Variants in MIA observed in about 807,000 individuals in gnomAD.
The protein encoded by MIA is MIA SH3 domain containing.
In MIA, 18 loss-of-function variants were observed where a neutral mutation model predicts 18.5. The ratio of observed to expected loss-of-function variants is 0.97; its 90% CI spans 0.67 to 1.44. The LOEUF (loss-of-function observed/expected upper bound fraction) is 1.44. Among genes scored for constraint, MIA ranks in the 40% most tolerant of loss-of-function variants. The pLI, the probability that MIA is intolerant of heterozygous loss-of-function variation, is 0.00. For missense variants in MIA, 158 were observed against 172.4 expected, an observed-to-expected ratio of 0.92 and a Z score of 0.47; for synonymous variants, 55 against 64.9, an observed-to-expected ratio of 0.85 and a Z score of 0.74.
intron 2 of MIA, 104 bp downstream of exon 2, chr19:40,775,989 G>C (rs1237393355): frequency 3.6e-6 from 5 of 1,381,046 alleles, no homozygotes; most frequent in South Asian, 1.4e-5. Context: ...TAGACATTGT[G>C]GGGGGATATT....
At chr19:40,777,181 T>C in intron 3 of MIA, 102 bp downstream of exon 3, 2 of 1,155,172 alleles carry the variant, frequency 1.7e-6, no homozygotes, top group Non-Finnish European at 2.6e-6. Context: ...AGCCTAGGTA[T>C]GTGCGCTGGG....
intron 2 of MIA, 113 bp from the exon 3 acceptor site, chr19:40,776,856 G>T: frequency 1.5e-6 from 1 of 681,998 alleles, no homozygotes. Context: ...AGATTCATAT[G>T]ACAAGGATGG....
chr19:40,775,372 A>T, upstream of MIA: 1 of 1,039,212 alleles, frequency 9.6e-7, no homozygotes, highest in Non-Finnish European at 1.4e-6. Context: ...CCTATCCTTG[A>T]AATGGTTCTG....
Position 40,777,046 on chromosome 19 carries a change from C to T in MIA, c.339C>T (p.Thr113=), listed in dbSNP as rs769676774. 6.2e-7 allele frequency: 1 copy of T among 1,613,236 alleles called. No homozygotes were observed. Among genetic ancestry groups the T allele is most frequent in the Non-Finnish European group, 8.5e-7 (1 of 1,179,882 alleles). Residue 113 remains threonine, a synonymous_variant, in exon 3 of 4, where the codon ACC becomes ACT. Coordinates refer to ENST00000263369, the MANE Select transcript of MIA (RefSeq NM_006533.4). The part of the protein sequence containing the change: ...FPSSIVREDQ[T]LKPGKVDVKT... ...GTAGCATTGTCCGAGAGGACCAGAC[C>T]CTGAAACCTGGCAAAGTCGATGTGA...
At chr19:40,775,374 A>G (rs2082987989), upstream of MIA, 1 of 1,045,048 alleles carries the variant, frequency 9.6e-7, no homozygotes, top group African/African-American at 1.6e-5. Context: ...TATCCTTGAA[A>G]TGGTTCTGGT....
Position 40,775,761 on chromosome 19 carries a change from C to T in MIA, c.137C>T (p.Ser46Phe), listed in dbSNP as rs758349845. 42 of 1,614,160 alleles carry T rather than the reference C, an allele frequency of 2.6e-5. 1 individual carries two copies. In the Middle Eastern group the frequency reaches 4.9e-4, roughly 19 times the overall value. The part of the protein sequence containing the change: ...CADQECSHPI[S>F]MAVALQDYMA... ...TCTATTCCTTCCCTAGACCCTATCT[C>T]CATGGCTGTGGCCCTTCAGGACTAC... Residue 46 changes from serine (S) to phenylalanine (F), a missense_variant, in exon 2 of 4, where the codon TCC becomes TTC. Ser to Phe is a radical substitution (Grantham distance 155). Coordinates refer to ENST00000263369, the MANE Select transcript of MIA (RefSeq NM_006533.4).
rs758570130 is a variant in MIA, at chr19:40,775,823, G to A, written c.199G>A (p.Gly67Ser). 1 of 1,614,066 alleles carries A rather than the reference G, an allele frequency of 6.2e-7. No homozygotes were observed. Among genetic ancestry groups the A allele is most frequent in the Non-Finnish European group, 8.5e-7 (1 of 1,180,004 alleles). ...PDCRFLTIHR[G>S]QVVYVFSKLK... ...CTGCCGATTCCTGACCATTCACCGG[G>A]GCCAAGTGGTGTATGTCTTCTCCAA... Residue 67 changes from glycine (G) to serine (S), a missense_variant, in exon 2 of 4, where the codon GGC (glycine) becomes AGC (serine). Coordinates refer to ENST00000263369, the MANE Select transcript of MIA (RefSeq NM_006533.4).
Position 40,777,065 on chromosome 19 carries a change from G to A in MIA, c.358G>A (p.Asp120Asn). The change falls in exon 3 of 4, where the codon GAT becomes AAT. Residue 120 changes from aspartate to asparagine, a missense_variant. By Grantham distance (23) the Asp-to-Asn change is conservative. Coordinates refer to ENST00000263369, the MANE Select transcript of MIA (RefSeq NM_006533.4). ...CCAGACCCTGAAACCTGGCAAAGTC[G>A]ATGTGAAGACAGACGTGAGTGTCAT... ...EDQTLKPGKV[D>N]VKTDKWDFYC... 6.2e-7 allele frequency: 1 copy of A among 1,612,616 alleles called. No individual in the cohort carries two copies.
rs762447324 is a variant in MIA, at chr19:40,777,472, A to ACAAT, written c.*55_*58dup. On this transcript the variant is annotated 3_prime_UTR_variant, in exon 4 of 4. Transcript: ENST00000263369. ...TTCCCCTCCTTGGCTTTATGCAAAT[A>ACAAT]CAATCAGCCCAGTGCAAACGGCTCG... 4 of 1,567,258 alleles carry ACAAT rather than the reference A, an allele frequency of 2.6e-6. No individual in the cohort carries two copies. The South Asian group carries it at 3.3e-5, about 13-fold the overall frequency.
intron 3 of MIA, 143 bp from the exon 4 acceptor site, chr19:40,777,254 G>A (rs753349290): frequency 2.6e-6 from 3 of 1,142,170 alleles, no homozygotes; most frequent in Non-Finnish European, 4.0e-6. Context: ...GAGGTGCAAA[G>A]ATTAGAGGGC....
upstream of MIA, chr19:40,775,413 G>T: frequency 7.0e-7 from 1 of 1,426,338 alleles, no homozygotes; most frequent in Non-Finnish European, 9.6e-7. Flanking sequence ...TGGTGTGGGC[G>T]AAGTTTGGGA....
rs747741209 is a variant in MIA at position 40,777,036 on chromosome 19, A to G, written c.329A>G (p.Glu110Gly). ...TATTTCCCCAGTAGCATTGTCCGAG[A>G]GGACCAGACCCTGAAACCTGGCAAA... is the stretch of plus-strand genomic sequence containing the variant. ...LGYFPSSIVR[E>G]DQTLKPGKVD... Residue 110 changes from glutamate to glycine, a missense_variant, in exon 3 of 4, where the codon GAG becomes GGG. By Grantham distance (98) the Glu-to-Gly change is moderately conservative (BLOSUM62 -2). Transcript: ENST00000263369. The G allele has an allele frequency of 1.2e-6, 2 of 1,613,548 alleles. No homozygotes were observed. The highest frequency in any genetic ancestry group is 2.2e-5 in the South Asian group (2 of 90,966).
At chr19:40,775,299 C>T, upstream of MIA, 1 of 545,512 alleles carries the variant, frequency 1.8e-6, no homozygotes, top group Non-Finnish European at 3.2e-6. Context: ...GGGGCTGTCA[C>T]TGGGAAAGTT....
intron 2 of MIA, 90 bp from the exon 3 acceptor site, chr19:40,776,879 G>A: frequency 1.2e-6 from 1 of 820,850 alleles, no homozygotes. Context: ...CAGTTATGTG[G>A]AGATCAGGGA....
Position 40,775,794 on chromosome 19 carries a change from C to G in MIA, c.170C>G (p.Pro57Arg), listed in dbSNP as rs1304211303. ...MAVALQDYMA[P>R]DCRFLTIHRG... ...GTGGCCCTTCAGGACTACATGGCCC[C>G]CGACTGCCGATTCCTGACCATTCAC... The change falls in exon 2 of 4, where the codon CCC becomes CGC. Residue 57 changes from proline (P) to arginine (R), a missense_variant. Pro to Arg is a moderately radical substitution (Grantham distance 103). Transcript: ENST00000263369. The G allele has an allele frequency of 5.6e-6, 9 of 1,614,152 alleles. No individual in the cohort carries two copies. The highest frequency in any genetic ancestry group is 7.6e-6 in the Non-Finnish European group (9 of 1,180,032).
intron 2 of MIA, 62 bp downstream of exon 2, chr19:40,775,947 T>G: frequency 6.4e-7 from 1 of 1,570,326 alleles, no homozygotes; most frequent in Non-Finnish European, 8.7e-7. Flanking sequence ...ATTATCCCCA[T>G]GAAGGGAAGA....
intron 3 of MIA, 132 bp downstream of exon 3, chr19:40,777,211 C>T: frequency 9.2e-7 from 1 of 1,092,258 alleles, no homozygotes; most frequent in Non-Finnish European, 1.4e-6. Context: ...TTCCCTGCCT[C>T]AATTTTCTCA....
chr19:40,777,100 C>T, intron 3 of MIA, 21 bp downstream of exon 3: 1 of 1,594,102 alleles, frequency 6.3e-7, no homozygotes, highest in Admixed American at 1.7e-5. Context: ...TGGGGGCTGG[C>T]AAGAAATGTG....
At chr19:40,776,044 C>T (rs561920518) in intron 2 of MIA, among the ~76,000 whole-genome samples, 159 bp downstream of exon 2, 202 of 152,004 alleles carry the variant, frequency 1.3e-3, no homozygotes, top group Non-Finnish European at 1.5e-3. Context: ...TAATTTTTTC[C>T]GAGACAGAGT....
Sources: gnomAD v4.1 joint callset for allele counts (sites outside exome capture counted in the v4.1 genomes callset) on GRCh38, gnomAD v4.1.1 for gene constraint, MANE v1.5 for transcripts, NCBI Gene and HGNC (gene_info 2026-07-23, HGNC 2026-07-21) for gene names.